Variants in PGM5 observed in about 807,000 individuals in gnomAD.
PGM5 encodes the protein phosphoglucomutase-like protein 5.
PGM5 carries 23 observed loss-of-function variants against 59.2 expected under a neutral mutation model. The observed-to-expected ratio is 0.39, with a 90% confidence interval of 0.28 to 0.55. The LOEUF is 0.55. PGM5 is among the 20% of genes least tolerant of loss of function. PGM5 has a pLI of 0.66. For missense variants in PGM5, 574 were observed against 748.3 expected, an observed-to-expected ratio of 0.77 and a Z score of 2.72; for synonymous variants, 214 against 286.0, an observed-to-expected ratio of 0.75 and a Z score of 2.54.
intron 10 of PGM5, among the ~76,000 whole-genome samples, chr9:68,505,308 C>G (rs1284928891): frequency 6.6e-6 from 1 of 152,132 alleles, no homozygotes; most frequent in Admixed American, 6.5e-5. Context: ...GTTTTTTCCT[C>G]AGATCAATCA....
intron 4 of PGM5, among the ~76,000 whole-genome samples, chr9:68,390,725 A>G: frequency 6.6e-6 from 1 of 152,150 alleles, no homozygotes; most frequent in Non-Finnish European, 1.5e-5. Context: ...TTCGATTTAG[A>G]TGGGCTTCCC....
At chr9:68,415,172 G>A (rs1263038100) in intron 6 of PGM5, among the ~76,000 whole-genome samples, 1 of 148,984 alleles carries the variant, frequency 6.7e-6, no homozygotes, top group Non-Finnish European at 1.5e-5. Context: ...GGTCATTCAA[G>A]GCCTACCACT....
intron 7 of PGM5, among the ~76,000 whole-genome samples, chr9:68,478,259 G>A (rs1554686834): frequency 6.6e-6 from 1 of 152,208 alleles, no homozygotes; most frequent in Non-Finnish European, 1.5e-5. Flanking sequence ...TTGTGTGCCT[G>A]ATGCAATAAG....
intron 2 of PGM5, among the ~76,000 whole-genome samples, chr9:68,381,184 C>G (rs1375338054): frequency 6.6e-6 from 1 of 151,768 alleles, no homozygotes; most frequent in African/African-American, 2.4e-5. Context: ...AAACCAAATT[C>G]AACAACACAT....
chr9:68,465,314 T>C (rs962201672), intron 7 of PGM5, 106 bp downstream of exon 7: 49 of 739,370 alleles, frequency 6.6e-5, no homozygotes, highest in Non-Finnish European at 1.0e-4. Flanking sequence ...AACAGTTAAG[T>C]AGAGGCAAAA....
intron 6 of PGM5, among the ~76,000 whole-genome samples, chr9:68,430,309 C>T (rs1004022610): frequency 1.3e-5 from 2 of 152,278 alleles, no homozygotes. Flanking sequence ...AGTGGATGTG[C>T]GTGAGCTATG....
chr9:68,487,901 G>T (rs1824323463), intron 9 of PGM5, among the ~76,000 whole-genome samples: 1 of 151,940 alleles, frequency 6.6e-6, no homozygotes. Context: ...CTCCTTGCTG[G>T]GTTATCTTAG....
At chr9:68,498,956 G>T in intron 9 of PGM5, 1 of 390,184 alleles carries the variant, frequency 2.6e-6, no homozygotes, top group Non-Finnish European at 4.7e-6. Flanking sequence ...CATATCACCA[G>T]CCCAAGAGAA....
At chr9:68,514,930 A>G (rs1490403263) in intron 10 of PGM5, among the ~76,000 whole-genome samples, 3 of 152,256 alleles carry the variant, frequency 2.0e-5, no homozygotes, top group African/African-American at 7.2e-5. Context: ...TTCAAGTTGC[A>G]TCTCCATAGA....
At chr9:68,522,827 T>A (rs1824919362) in intron 10 of PGM5, among the ~76,000 whole-genome samples, 1 of 151,894 alleles carries the variant, frequency 6.6e-6, no homozygotes, top group Non-Finnish European at 1.5e-5. Flanking sequence ...TAATTGGGAG[T>A]CATGCCATTG....
At chr9:68,423,544 C>G (rs1554682490) in intron 6 of PGM5, among the ~76,000 whole-genome samples, 1 of 152,092 alleles carries the variant, frequency 6.6e-6, no homozygotes, top group African/African-American at 2.4e-5. Context: ...TTGAGAATGG[C>G]ATGCAGAGCT....
At chr9:68,444,850 G>A (rs549578902) in intron 6 of PGM5, among the ~76,000 whole-genome samples, 1 of 152,312 alleles carries the variant, frequency 6.6e-6, no homozygotes, top group African/African-American at 2.4e-5. Flanking sequence ...GGTACAGGAA[G>A]GAGTGGAAAA....
intron 9 of PGM5, among the ~76,000 whole-genome samples, chr9:68,490,647 G>A (rs781847607): frequency 1.7e-4 from 26 of 152,268 alleles, no homozygotes; most frequent in South Asian, 4.1e-4. Flanking sequence ...GAGCCACTGC[G>A]CCTGACCTCA....
chr9:68,502,919 C>G (rs1335185102), intron 10 of PGM5, among the ~76,000 whole-genome samples: 5 of 152,132 alleles, frequency 3.3e-5, no homozygotes, highest in African/African-American at 1.2e-4. Context: ...AAACTCCTGA[C>G]CTCAAGTGAT....
chr9:68,423,629 ATCTCTC>A (rs368417025), intron 6 of PGM5, among the ~76,000 whole-genome samples: 25 of 129,446 alleles, frequency 1.9e-4, no homozygotes, highest in African/African-American at 6.3e-4. Context: ...AGAGCACAAA[ATCTCTC>A]TCTCTCTCTC....
chr9:68,511,545 C>CTTTTTTTTTGTTTTTTT (rs1824749925), intron 10 of PGM5, among the ~76,000 whole-genome samples: 1 of 62,728 alleles, frequency 1.6e-5, no homozygotes, highest in Non-Finnish European at 2.8e-5. Flanking sequence ...TTGTTTTTGC[C>CTTTTTTTTTGTTTTTTT]TTTTTTTTTT....
At chr9:68,508,488 TAAAATATTAAATATCAACTTCTTACC>T (rs1824692948) in intron 10 of PGM5, among the ~76,000 whole-genome samples, 2 of 152,282 alleles carry the variant, frequency 1.3e-5, no homozygotes, top group Non-Finnish European at 2.9e-5. Flanking sequence ...TTCTAATTTC[TAAAATATTAAATATCAACTTCTTACC>T]AAAATATCTT....
chr9:68,392,775 G>A (rs1444571502), intron 6 of PGM5, among the ~76,000 whole-genome samples: 3 of 152,098 alleles, frequency 2.0e-5, no homozygotes, highest in African/African-American at 7.2e-5. Flanking sequence ...AAGTACAAAT[G>A]AGGTGCTTCA....
At chr9:68,421,169 A>C (rs1208469827) in intron 6 of PGM5, among the ~76,000 whole-genome samples, 2 of 152,088 alleles carry the variant, frequency 1.3e-5, no homozygotes, top group Admixed American at 6.5e-5. Context: ...TCACATTTGC[A>C]CTCTGCCCCG....
Sources: allele counts gnomAD v4.1 joint callset (sites outside exome capture counted in the v4.1 genomes callset), GRCh38; gene constraint gnomAD v4.1.1; transcripts MANE v1.5; gene names NCBI Gene and HGNC (gene_info 2026-07-23, HGNC 2026-07-21).